Variants in PACRG observed in about 807,000 individuals in gnomAD.
PACRG encodes the protein parkin coregulated, also known as parkin coregulated gene protein.
In PACRG, 29 loss-of-function variants were observed where a neutral mutation model predicts 29.7. That is an observed-to-expected ratio of 0.98 (90% CI 0.73 to 1.33). The LOEUF (loss-of-function observed/expected upper bound fraction) is 1.33. PACRG is among the 40% of genes most tolerant of loss of function. PACRG has a pLI of 0.00. For synonymous variants in PACRG, 116 were observed against 118.7 expected (o/e 0.98, Z 0.15); for missense variants, 279 against 316.2 (o/e 0.88, Z 0.89).
intron 3 of PACRG, among the ~76,000 whole-genome samples, chr6:163,068,844 T>A (rs1438330200): frequency 8.5e-5 from 13 of 152,180 alleles, no homozygotes; most frequent in Admixed American, 8.5e-4. Flanking sequence ...TCTCTGTGAA[T>A]ATTTATTATA....
At chr6:163,210,527 A>G (rs544150810) in intron 4 of PACRG, among the ~76,000 whole-genome samples, 6 of 152,346 alleles carry the variant, frequency 3.9e-5, no homozygotes, top group Admixed American at 3.3e-4. Flanking sequence ...ACCCATTTCT[A>G]TGGGCTGAGG....
At chr6:162,747,310 C>T (rs1461948378) in intron 1 of PACRG, among the ~76,000 whole-genome samples, 2 of 133,502 alleles carry the variant, frequency 1.5e-5, no homozygotes, top group African/African-American at 2.8e-5. Flanking sequence ...GGAACTCAGA[C>T]TGGCTCTCCT....
chr6:163,149,458 G>C (rs937688209), intron 4 of PACRG, among the ~76,000 whole-genome samples: 6 of 152,162 alleles, frequency 3.9e-5, no homozygotes, highest in South Asian at 4.1e-4. Flanking sequence ...TGGAGAACAC[G>C]GCCTTGTGAT....
At chr6:162,764,909 A>AT (rs1323167499) in intron 1 of PACRG, among the ~76,000 whole-genome samples, 3 of 150,910 alleles carry the variant, frequency 2.0e-5, no homozygotes, top group East Asian at 2.0e-4. Flanking sequence ...ACACCCGGCT[A>AT]TTTTTTTTGT....
chr6:163,169,440 G>A (rs1343568660), intron 4 of PACRG, among the ~76,000 whole-genome samples: 1 of 152,198 alleles, frequency 6.6e-6, no homozygotes, highest in East Asian at 1.9e-4. Context: ...TGGGGCGAAA[G>A]AACAAAGATA....
intron 3 of PACRG, among the ~76,000 whole-genome samples, chr6:163,080,563 G>A (rs1244530583): frequency 1.3e-5 from 2 of 152,084 alleles, no homozygotes; most frequent in Admixed American, 6.5e-5. Flanking sequence ...ATCATGCTAG[G>A]GACTGCATCA....
intron 2 of PACRG, among the ~76,000 whole-genome samples, chr6:163,040,495 G>T (rs1808592760): frequency 6.6e-6 from 1 of 152,230 alleles, no homozygotes; most frequent in Non-Finnish European, 1.5e-5. Flanking sequence ...TAGATCAACT[G>T]ACAGCTTGTG....
At chr6:162,975,015 C>A (rs1801831285) in intron 2 of PACRG, among the ~76,000 whole-genome samples, 2 of 152,188 alleles carry the variant, frequency 1.3e-5, no homozygotes, top group Non-Finnish European at 2.9e-5. Context: ...TCTGACTTTT[C>A]TGACTTTTGC....
intron 4 of PACRG, among the ~76,000 whole-genome samples, chr6:163,128,641 A>G (rs1271294801): frequency 6.6e-6 from 1 of 152,206 alleles, no homozygotes; most frequent in Admixed American, 6.5e-5. Context: ...GTTCACACAG[A>G]ATTGTGCCTG....
At chr6:162,762,055 G>C (rs1782415702) in intron 1 of PACRG, among the ~76,000 whole-genome samples, 1 of 149,164 alleles carries the variant, frequency 6.7e-6, no homozygotes, top group Non-Finnish European at 1.5e-5. Context: ...CAAGTTCCAC[G>C]TGGGCAGGGA....
intron 4 of PACRG, among the ~76,000 whole-genome samples, chr6:163,149,928 C>G (rs1248441911): frequency 6.6e-6 from 1 of 152,214 alleles, no homozygotes; most frequent in Non-Finnish European, 1.5e-5. Flanking sequence ...GGGACTCCTC[C>G]CGCCCTGGGA....
intron 4 of PACRG, among the ~76,000 whole-genome samples, chr6:163,133,204 G>T (rs922045301): frequency 1.3e-5 from 2 of 152,144 alleles, no homozygotes; most frequent in African/African-American, 2.4e-5. Flanking sequence ...GGTTTTAATA[G>T]GCCAGGTCTG....
intron 2 of PACRG, among the ~76,000 whole-genome samples, chr6:162,898,971 T>G (rs1795360386): frequency 6.6e-6 from 1 of 152,200 alleles, no homozygotes. Context: ...ATGTCTAATA[T>G]GAACACTTAT....
chr6:163,294,010 T>C (rs996274528), intron 4 of PACRG, among the ~76,000 whole-genome samples: 13 of 152,056 alleles, frequency 8.5e-5, no homozygotes, highest in African/African-American at 2.9e-4. Context: ...ATAGCTCCAA[T>C]AGCAATTACA....
chr6:163,149,157 A>C (rs1480604718), intron 4 of PACRG, among the ~76,000 whole-genome samples: 1 of 151,694 alleles, frequency 6.6e-6, no homozygotes. Context: ...CGCAGACCGA[A>C]CCCTCGCTGT....
intron 2 of PACRG, among the ~76,000 whole-genome samples, chr6:162,928,124 G>A (rs1286958533): frequency 1.3e-5 from 2 of 152,028 alleles, no homozygotes; most frequent in Non-Finnish European, 2.9e-5. Flanking sequence ...AAGTTCGGTA[G>A]AATTTGTCAG....
At chr6:163,224,515 G>A (rs1233343910) in intron 4 of PACRG, among the ~76,000 whole-genome samples, 1 of 151,642 alleles carries the variant, frequency 6.6e-6, no homozygotes, top group Non-Finnish European at 1.5e-5. Context: ...AGAATAGAGA[G>A]GCCAAAAATA....
At chr6:163,113,855 T>C (rs1196983794) in intron 4 of PACRG, among the ~76,000 whole-genome samples, 1 of 152,224 alleles carries the variant, frequency 6.6e-6, no homozygotes, top group African/African-American at 2.4e-5. Flanking sequence ...TTATAGAAAC[T>C]AGTATTGTTT....
At chr6:162,892,281 A>T (rs1179092433) in intron 2 of PACRG, among the ~76,000 whole-genome samples, 2 of 152,180 alleles carry the variant, frequency 1.3e-5, no homozygotes, top group Non-Finnish European at 2.9e-5. Flanking sequence ...ATTGTTGAGC[A>T]CTGGATCAGT....
Sources: gnomAD v4.1 joint callset for allele counts (sites outside exome capture counted in the v4.1 genomes callset) on GRCh38, gnomAD v4.1.1 for gene constraint, MANE v1.5 for transcripts, NCBI Gene and HGNC (gene_info 2026-07-23, HGNC 2026-07-21) for gene names.